RMC1: variants seen among roughly 807,000 people sequenced by gnomAD.
RMC1 encodes the protein regulator of MON1-CCZ1.
Under a neutral mutation model 95.5 loss-of-function variants are expected in RMC1, and 44 were observed. The ratio of observed to expected loss-of-function variants is 0.46; its 90% CI spans 0.36 to 0.59. The LOEUF (loss-of-function observed/expected upper bound fraction) is 0.59, where lower values mean the gene tolerates loss of function less well. RMC1 is among the 20% of genes least tolerant of loss of function. The pLI is 0.00. For synonymous variants in RMC1, 320 were observed against 303.6 expected (o/e 1.05, Z -0.56); for missense variants, 705 against 819.6 (o/e 0.86, Z 1.71).
In RMC1 at chr18:23,503,617, C is replaced by T. The variant is rs780555615; in HGVS notation, c.-2C>T. On this transcript the variant is annotated 5_prime_UTR_variant, in exon 1 of 20. Coordinates refer to ENST00000269221, the MANE Select transcript of RMC1 (RefSeq NM_013326.5). Reference sequence around the variant, plus strand: ...GCCCCCGCCGCGGGCGCGGCGCCCGCCATGGGCGAGGAGGACTACTATCTG... The same window carrying T: ...GCCCCCGCCGCGGGCGCGGCGCCCGTCATGGGCGAGGAGGACTACTATCTG... 1.3e-6 allele frequency: 2 copies of T among 1,552,360 alleles called. No homozygotes were observed. Among genetic ancestry groups the T allele is most frequent in the South Asian group, 2.3e-5 (2 of 85,808 alleles).
intron 11 of RMC1, 118 bp from the exon 12 acceptor site, chr18:23,524,310 CA>C: frequency 6.7e-7 from 1 of 1,487,144 alleles, no homozygotes; most frequent in Admixed American, 1.7e-5. Context: ...CCTGACTGTC[CA>C]GGGGCCTCGC....
chr18:23,504,816 C>T (rs2057672723), intron 2 of RMC1: 1 of 186,656 alleles, frequency 5.4e-6, no homozygotes, highest in South Asian at 1.0e-4. Context: ...TTCATTGTTT[C>T]TCATGTAATA....
intron 5 of RMC1, among the ~76,000 whole-genome samples, chr18:23,511,057 C>T (rs1399968970): frequency 6.6e-6 from 1 of 152,172 alleles, no homozygotes; most frequent in East Asian, 1.9e-4. Context: ...TTCACAATGG[C>T]AAAGACATGG....
At chr18:23,520,126 C>T in intron 9 of RMC1, 76 bp from the exon 10 acceptor site, 1 of 1,097,412 alleles carries the variant, frequency 9.1e-7, no homozygotes. Context: ...ATTTAAACAG[C>T]AAGATGGGAT....
At position 23,529,227 on chromosome 18, in the gene RMC1, G is replaced by T; in HGVS notation, c.1345G>T (p.Val449Leu). ...AAGCAGCCCGCTCCTCAAGAGGCCG[G>T]TGCGGACCCAGGCGGTGCTGGACCA... ...SRSSPLLKRP[V>L]RTQAVLDQSD... The change falls in exon 15 of 20, where the codon GTG (valine) becomes TTG (leucine). Residue 449 changes from valine to leucine, a missense_variant. By Grantham distance (32) the Val-to-Leu change is conservative. Transcript: ENST00000269221. 2 of 1,614,078 alleles carry T rather than the reference G, an allele frequency of 1.2e-6. No individual in the cohort carries two copies. Among genetic ancestry groups the T allele is most frequent in the Non-Finnish European group, 1.7e-6 (2 of 1,180,020 alleles).
intron 2 of RMC1, chr18:23,504,732 A>G (rs562746361): frequency 1.0e-5 from 3 of 292,560 alleles, no homozygotes; most frequent in African/African-American, 6.4e-5. Flanking sequence ...TGATGTGCCC[A>G]TTTCTGGTTT....
chr18:23,529,024 C>A, intron 14 of RMC1, 155 bp from the exon 15 acceptor site: 1 of 1,213,702 alleles, frequency 8.2e-7, no homozygotes, highest in Non-Finnish European at 1.1e-6. Context: ...GGATTACAGG[C>A]ATGCGCACAG....
intron 19 of RMC1, among the ~76,000 whole-genome samples, chr18:23,531,076 C>A (rs1012177150): frequency 3.3e-5 from 5 of 151,552 alleles, no homozygotes; most frequent in Admixed American, 3.3e-4. Flanking sequence ...TTCACTGCAA[C>A]CTCCGCTGGG....
rs2058442223 is a variant in RMC1, at chr18:23,530,025, C to T, written c.1495-3C>T. ...TTCTTTCACTTTTTACTTTTGTCCT[C>T]AGCATTACCTACATGAACTTGTTAT... On this transcript the variant is annotated splice_polypyrimidine_tract_variant and splice_region_variant and intron_variant, in intron 16 of 19. Transcript: ENST00000269221. The T allele has an allele frequency of 6.2e-7, 1 of 1,611,842 alleles. No individual in the cohort carries two copies.
intron 19 of RMC1, 163 bp from the exon 20 acceptor site, chr18:23,531,462 T>C: frequency 7.3e-7 from 1 of 1,372,938 alleles, no homozygotes; most frequent in Non-Finnish European, 9.6e-7. Context: ...TTAGCTTTTG[T>C]ATTTGTCTCT....
chr18:23,521,648 T>C (rs1250829247), intron 10 of RMC1, among the ~76,000 whole-genome samples: 1 of 151,914 alleles, frequency 6.6e-6, no homozygotes, highest in Non-Finnish European at 1.5e-5. Context: ...TCCAGTGTAA[T>C]TGATTTTAAG....
At chr18:23,518,049 G>C (rs2058055776) in intron 7 of RMC1, among the ~76,000 whole-genome samples, 1 of 152,226 alleles carries the variant, frequency 6.6e-6, no homozygotes, top group Non-Finnish European at 1.5e-5. Context: ...GATAAAGTGA[G>C]AGCAGTCCTG....
chr18:23,507,190 AT>A, intron 3 of RMC1, 136 bp downstream of exon 3: 1 of 511,334 alleles, frequency 2.0e-6, no homozygotes, highest in South Asian at 3.2e-5. Context: ...GTTGCATTGT[AT>A]TAGAGCCTTC....
chr18:23,503,813 C>T, intron 1 of RMC1, 93 bp downstream of exon 1: 6 of 1,110,642 alleles, frequency 5.4e-6, no homozygotes, highest in Non-Finnish European at 7.4e-6. Flanking sequence ...CGAGCGTCCC[C>T]TCCTGTCCTG....
chr18:23,531,813 T>A lies in RMC1; in HGVS notation c.*109T>A. ...TAAAGTGTATCTACAACCTCAACTG[T>A]CACTAAAAATATGGTATAGAACTTG... On this transcript the variant is annotated 3_prime_UTR_variant, in exon 20 of 20. Coordinates refer to ENST00000269221, the MANE Select transcript of RMC1 (RefSeq NM_013326.5). The A allele has an allele frequency of 6.6e-7, 1 of 1,506,648 alleles. No homozygotes were observed. The allele number at this position is 1,506,648 out of a possible 1,614,324, so 93.3% of individuals were successfully genotyped here. A position where few individuals can be genotyped will look rare whatever the true frequency, so the allele number is the denominator to read the frequency against.
At chr18:23,529,480 T>C (rs2058418252) in intron 15 of RMC1, 155 bp from the exon 16 acceptor site, 2 of 1,245,422 alleles carry the variant, frequency 1.6e-6, no homozygotes, top group African/African-American at 1.5e-5. Context: ...GCATAATTGT[T>C]GACGGGTGGT....
chr18:23,524,689 C>G (rs554892968), intron 12 of RMC1, among the ~76,000 whole-genome samples: 2 of 151,828 alleles, frequency 1.3e-5, no homozygotes, highest in South Asian at 4.2e-4. Flanking sequence ...ATAATTAAAG[C>G]AACAACTAAG....
chr18:23,505,727 T>A (rs1162087837), intron 2 of RMC1, among the ~76,000 whole-genome samples: 1 of 152,052 alleles, frequency 6.6e-6, no homozygotes, highest in African/African-American at 2.4e-5. Context: ...TGGCATTGCA[T>A]AGGCAATCAA....
rs1458175537 is a variant in RMC1, at chr18:23,518,884, A to G, written c.654-6A>G. On this transcript the variant is annotated splice_polypyrimidine_tract_variant and splice_region_variant and intron_variant, in intron 7 of 19. Coordinates refer to ENST00000269221, the MANE Select transcript of RMC1 (RefSeq NM_013326.5). Reference sequence around the variant, plus strand: ...TGTGATTTATGTCTGTTTGTTCCCTAATTAGATACGGGCAGCTGTATGTTC... The same window carrying G: ...TGTGATTTATGTCTGTTTGTTCCCTGATTAGATACGGGCAGCTGTATGTTC... The G allele has an allele frequency of 2.5e-6, 4 of 1,613,724 alleles. No homozygotes were observed. In the East Asian group the frequency reaches 8.9e-5, roughly 36 times the overall value.
Sources: allele counts gnomAD v4.1 joint callset (sites outside exome capture counted in the v4.1 genomes callset), GRCh38; gene constraint gnomAD v4.1.1; transcripts MANE v1.5; gene names NCBI Gene and HGNC (gene_info 2026-07-23, HGNC 2026-07-21).